Variants in DPYD observed in about 807,000 individuals in gnomAD.
DPYD encodes dihydropyrimidine dehydrogenase, also known as dihydropyrimidine dehydrogenase [NADP(+)].
DPYD carries 109 observed loss-of-function variants against 116.2 expected under a neutral mutation model. That is an observed-to-expected ratio of 0.94 (90% confidence interval 0.80 to 1.10). DPYD has a LOEUF of 1.10. Among genes scored for constraint, DPYD ranks in the 50% least tolerant of loss-of-function variants. The pLI, the probability that DPYD is intolerant of heterozygous loss-of-function variation, is 0.00. For missense variants in DPYD, 1,302 were observed against 1,254.5 expected, an observed-to-expected ratio of 1.04 and a Z score of -0.57; for synonymous variants, 440 against 432.0, an observed-to-expected ratio of 1.02 and a Z score of -0.23.
At chr1:97,468,505 T>G (rs1276638284) in intron 13 of DPYD, among the ~76,000 whole-genome samples, 1 of 152,150 alleles carries the variant, frequency 6.6e-6, no homozygotes, top group Non-Finnish European at 1.5e-5. Context: ...AAAGTGTGCC[T>G]TCACCAGACA....
chr1:97,779,750 T>A (rs1460178955), intron 3 of DPYD, among the ~76,000 whole-genome samples: 2 of 152,138 alleles, frequency 1.3e-5, no homozygotes, highest in African/African-American at 4.8e-5. Flanking sequence ...TGCATCTTTT[T>A]TTTTGGCCTT....
At chr1:97,216,787 T>G (rs1660432180) in intron 19 of DPYD, among the ~76,000 whole-genome samples, 1 of 151,932 alleles carries the variant, frequency 6.6e-6, no homozygotes, top group South Asian at 2.1e-4. Context: ...AGAGCGACAC[T>G]CGTCTCAAAC....
chr1:97,920,701 C>A (rs1464685651), intron 1 of DPYD, among the ~76,000 whole-genome samples, 183 bp downstream of exon 1: 2 of 152,220 alleles, frequency 1.3e-5, no homozygotes, highest in Admixed American at 6.5e-5. Context: ...CTGAGCTCCC[C>A]GCCTGCCCAC....
intron 14 of DPYD, among the ~76,000 whole-genome samples, chr1:97,387,441 T>A (rs948333679): frequency 2.6e-5 from 4 of 152,086 alleles, no homozygotes; most frequent in Admixed American, 2.6e-4. Flanking sequence ...GTCCCTGCCC[T>A]CCTGAAGCTT....
chr1:97,588,409 T>C (rs1654292181), intron 10 of DPYD, among the ~76,000 whole-genome samples: 1 of 152,168 alleles, frequency 6.6e-6, no homozygotes, highest in African/African-American at 2.4e-5. Flanking sequence ...TTCTCGGTAA[T>C]AATTAATAAG....
intron 20 of DPYD, among the ~76,000 whole-genome samples, chr1:97,115,347 C>G (rs1434535553): frequency 6.6e-6 from 1 of 152,162 alleles, no homozygotes; most frequent in Non-Finnish European, 1.5e-5. Flanking sequence ...AGTTTGTCAT[C>G]AACATGGATT....
intron 8 of DPYD, among the ~76,000 whole-genome samples, chr1:97,610,739 A>C (rs2786502): frequency 0.016 from 2,444 of 152,126 alleles, 56 homozygotes; most frequent in African/African-American, 0.055. Flanking sequence ...TTCTCTATAA[A>C]GATTACAATT....
chr1:97,419,791 T>C (rs958405361), intron 14 of DPYD, among the ~76,000 whole-genome samples: 2 of 152,178 alleles, frequency 1.3e-5, no homozygotes, highest in Non-Finnish European at 2.9e-5. Flanking sequence ...GAAATTTTAA[T>C]TGAGAAATTT....
rs539003975 is a variant in DPYD at position 97,304,571 on chromosome 1, A to G, written c.2299+688T>C. Among the ~76,000 whole-genome samples the G allele has an allele frequency of 1.9e-4, 29 of 152,068 alleles. No homozygotes were observed. The South Asian group carries it at 5.8e-3, about 30-fold the overall frequency. On this transcript the variant is annotated intron_variant, in intron 18 of 22. Coordinates refer to ENST00000370192, the MANE Select transcript of DPYD (RefSeq NM_000110.4). ...ACAGTGGGGCACTGTTATGTTATGT[A>G]TATTTACCACTTTCTCTATCACCAA...
intron 19 of DPYD, among the ~76,000 whole-genome samples, chr1:97,214,768 T>C (rs936664005): frequency 3.3e-5 from 5 of 152,236 alleles, no homozygotes; most frequent in African/African-American, 1.2e-4. Context: ...ACGTGGCCAG[T>C]TGGCTGTCTT....
intron 4 of DPYD, among the ~76,000 whole-genome samples, chr1:97,731,642 C>T (rs1663618999): frequency 6.6e-6 from 1 of 151,988 alleles, no homozygotes; most frequent in Non-Finnish European, 1.5e-5. Context: ...ATTATACTAT[C>T]AAGCAGCTGT....
intron 20 of DPYD, among the ~76,000 whole-genome samples, chr1:97,111,445 G>A (rs1360719349): frequency 4.6e-5 from 7 of 151,172 alleles, no homozygotes; most frequent in Admixed American, 4.6e-4. Flanking sequence ...TTCTTGACAA[G>A]TCTTATAAGA....
At chr1:97,278,606 C>T (rs1665106381) in intron 18 of DPYD, among the ~76,000 whole-genome samples, 1 of 152,140 alleles carries the variant, frequency 6.6e-6, no homozygotes, top group Non-Finnish European at 1.5e-5. Context: ...CCTGTTGTTG[C>T]TCCCCTCTAA....
At chr1:97,171,650 A>G (rs999986532) in intron 20 of DPYD, among the ~76,000 whole-genome samples, 1 of 152,176 alleles carries the variant, frequency 6.6e-6, no homozygotes, top group African/African-American at 2.4e-5. Flanking sequence ...CCTTACATAA[A>G]TCATTGTAAG....
At chr1:97,359,147 C>A (rs911874439) in intron 16 of DPYD, among the ~76,000 whole-genome samples, 3 of 151,862 alleles carry the variant, frequency 2.0e-5, no homozygotes, top group Admixed American at 1.3e-4. Context: ...AACCATGACA[C>A]GAGAACTACG....
At chr1:97,420,017 C>G (rs1468528010) in intron 14 of DPYD, 1 of 152,180 alleles carries the variant, frequency 6.6e-6, no homozygotes, top group Non-Finnish European at 1.5e-5. Context: ...AAAGATATAG[C>G]CTTGTGCAGG....
intron 8 of DPYD, among the ~76,000 whole-genome samples, chr1:97,674,970 T>A (rs1201883297): frequency 1.3e-5 from 2 of 152,194 alleles, no homozygotes; most frequent in African/African-American, 2.4e-5. Flanking sequence ...GCATTGGCTA[T>A]CAAACTTTAA....
intron 13 of DPYD, among the ~76,000 whole-genome samples, chr1:97,452,424 T>C (rs1570756232): frequency 6.6e-6 from 1 of 152,298 alleles, no homozygotes; most frequent in East Asian, 1.9e-4. Context: ...GAGTCTAGAC[T>C]AAAACCATAG....
chr1:97,858,819 A>G (rs1670977328), intron 2 of DPYD, among the ~76,000 whole-genome samples: 1 of 152,162 alleles, frequency 6.6e-6, no homozygotes, highest in Non-Finnish European at 1.5e-5. Flanking sequence ...TAGTAGTCAT[A>G]ATATATGCTT....
Sources: allele counts gnomAD v4.1 joint callset (sites outside exome capture counted in the v4.1 genomes callset), GRCh38; gene constraint gnomAD v4.1.1; transcripts MANE v1.5; gene names NCBI Gene and HGNC (gene_info 2026-07-23, HGNC 2026-07-21).